The following KLHL1 variants were observed in gnomAD, a reference collection of about 807,000 sequenced individuals.
KLHL1 encodes the protein kelch-like protein 1.
Under a neutral mutation model 77.7 loss-of-function variants are expected in KLHL1, and 47 were observed. The ratio of observed to expected loss-of-function variants is 0.60; its 90% CI spans 0.48 to 0.77. The LOEUF (loss-of-function observed/expected upper bound fraction) is 0.77, where lower values mean the gene tolerates loss of function less well. KLHL1 is among the 30% of genes least tolerant of loss of function. The probability of loss-of-function intolerance (pLI) is 0.00; values close to 1 mark genes in which losing one functional copy is unlikely to be tolerated. For synonymous variants in KLHL1, 360 were observed against 325.2 expected (o/e 1.11, Z -1.15); for missense variants, 925 against 910.8 (o/e 1.02, Z -0.20).
intron 2 of KLHL1, among the ~76,000 whole-genome samples, chr13:69,968,879 TA>T (rs951232458): frequency 6.6e-6 from 1 of 151,576 alleles, no homozygotes; most frequent in Non-Finnish European, 1.5e-5. Flanking sequence ...AGTATAATAA[TA>T]AAAAAAAGAA....
chr13:69,788,268 T>C (rs1876667639), intron 7 of KLHL1, among the ~76,000 whole-genome samples: 2 of 152,160 alleles, frequency 1.3e-5, no homozygotes, highest in African/African-American at 2.4e-5. Context: ...ACCCAAATGT[T>C]CATCAATGAT....
chr13:69,743,436 G>T (rs1874066920), intron 7 of KLHL1, among the ~76,000 whole-genome samples: 1 of 152,212 alleles, frequency 6.6e-6, no homozygotes, highest in South Asian at 2.1e-4. Context: ...CATATATTCT[G>T]GGAGTCTTGC....
intron 6 of KLHL1, among the ~76,000 whole-genome samples, chr13:69,825,709 C>T (rs1252978718): frequency 1.3e-5 from 2 of 151,936 alleles, no homozygotes; most frequent in Non-Finnish European, 2.9e-5. Flanking sequence ...ATGTTTTATC[C>T]CAGGACTACA....
intron 5 of KLHL1, among the ~76,000 whole-genome samples, chr13:69,859,600 G>T (rs1251429726): frequency 1.3e-5 from 2 of 151,992 alleles, no homozygotes; most frequent in Admixed American, 1.3e-4. Context: ...ACATCAGGTT[G>T]CAATGTGAAT....
rs1302284831 is a variant in KLHL1, at chr13:70,107,857, AGGCGAAGGCTGGAGCGCAGAC to A, written c.-179_-159del. The A allele has an allele frequency of 4.0e-5, 24 of 597,410 alleles. 1 individual carries two copies. The East Asian group carries it at 6.0e-4, about 15-fold the overall frequency. 37.0% of individuals were successfully genotyped at this position (597,410 alleles called of 1,614,324 possible). A position where few individuals can be genotyped will look rare whatever the true frequency, so the allele number is the denominator to read the frequency against. The stretch of plus-strand genomic sequence containing the variant: ...CGCTAGGTGGGCTGCGCGCTCTGCC[AGGCGAAGGCTGGAGCGCAGAC>A]GGCAAAGCCGCGCGTTTCAGCCGTG... On this transcript the variant is annotated 5_prime_UTR_variant, in exon 1 of 11. Transcript: ENST00000377844.
chr13:69,775,784 G>T (rs781736906), intron 7 of KLHL1, among the ~76,000 whole-genome samples: 7 of 151,172 alleles, frequency 4.6e-5, no homozygotes, highest in Non-Finnish European at 8.8e-5. Context: ...TCTGCCTCCC[G>T]GGTTCAAGCA....
intron 8 of KLHL1, among the ~76,000 whole-genome samples, chr13:69,736,676 TGA>T (rs531342499): frequency 2.3e-5 from 3 of 131,304 alleles, no homozygotes; most frequent in African/African-American, 8.4e-5. Flanking sequence ...AAAGAGATTG[TGA>T]GATATATATA....
intron 1 of KLHL1, among the ~76,000 whole-genome samples, chr13:70,086,105 T>G (rs1164251412): frequency 6.6e-6 from 1 of 152,086 alleles, no homozygotes; most frequent in Non-Finnish European, 1.5e-5. Context: ...GTACCTACAG[T>G]GGAATCTCCA....
intron 1 of KLHL1, among the ~76,000 whole-genome samples, chr13:70,099,703 TAAC>T (rs907191947): frequency 2.6e-5 from 4 of 152,054 alleles, no homozygotes; most frequent in African/African-American, 7.2e-5. Context: ...TGTCCCATAA[TAAC>T]ATTTTTTCAT....
chr13:69,777,976 A>C (rs1280803375), intron 7 of KLHL1, among the ~76,000 whole-genome samples: 2 of 152,008 alleles, frequency 1.3e-5, no homozygotes, highest in Non-Finnish European at 2.9e-5. Flanking sequence ...GACTACTTCT[A>C]CTAGCCTAAA....
chr13:69,918,336 T>C (rs1465631105), intron 4 of KLHL1, among the ~76,000 whole-genome samples: 2 of 151,966 alleles, frequency 1.3e-5, no homozygotes, highest in African/African-American at 4.8e-5. Flanking sequence ...AAATGATTTG[T>C]AAAACATTAC....
chr13:69,916,215 T>C (rs1417493633), intron 4 of KLHL1, among the ~76,000 whole-genome samples: 4 of 152,128 alleles, frequency 2.6e-5, no homozygotes, highest in South Asian at 2.1e-4. Flanking sequence ...AGAAATACCA[T>C]TTGACCCAGC....
At position 69,939,340 on chromosome 13, in the gene KLHL1, CATATATATATATATATATATATATATAT is replaced by C. The variant is rs34074889; in HGVS notation, c.1014+672_1014+699del. ...ACACTCATATATATACATATACATACATATATATATATATATATATATATATATATATATATATACACACACACACGCA... is the reference window on the plus strand; with the variant it reads ...ACACTCATATATATACATATACATACATATATATATACACACACACACGCA... On this transcript the variant is annotated intron_variant, in intron 4 of 10. Coordinates refer to ENST00000377844, the MANE Select transcript of KLHL1 (RefSeq NM_020866.3). 6.6e-5 allele frequency among the ~76,000 whole-genome samples: 4 copies of C among 60,846 alleles called. No individual in the cohort carries two copies. The East Asian group carries it at 1.5e-3, about 23-fold the overall frequency. 39.9% of individuals were successfully genotyped at this position (60,846 alleles called of 152,430 possible).
At chr13:69,718,608 T>C (rs897565211) in intron 9 of KLHL1, among the ~76,000 whole-genome samples, 12 of 152,152 alleles carry the variant, frequency 7.9e-5, no homozygotes, top group Admixed American at 7.9e-4. Flanking sequence ...ATGTATCCTA[T>C]GTAATAGGAA....
At chr13:69,859,632 A>G (rs1376007475) in intron 5 of KLHL1, among the ~76,000 whole-genome samples, 1 of 152,144 alleles carries the variant, frequency 6.6e-6, no homozygotes, top group East Asian at 1.9e-4. Flanking sequence ...TAAAAGGGAT[A>G]TGCTCAGTAA....
chr13:69,816,496 T>C (rs1878129336), intron 6 of KLHL1, among the ~76,000 whole-genome samples: 1 of 151,916 alleles, frequency 6.6e-6, no homozygotes, highest in Non-Finnish European at 1.5e-5. Context: ...ACTCCTGCCC[T>C]GAAAATGATC....
At chr13:69,948,720 T>A (rs1028435042) in intron 3 of KLHL1, among the ~76,000 whole-genome samples, 1 of 152,014 alleles carries the variant, frequency 6.6e-6, no homozygotes, top group African/African-American at 2.4e-5. Flanking sequence ...TATGTATCAA[T>A]GTGGTTCTAT....
chr13:70,086,616 AAGAAAGAAAGAAAG>A (rs1887549268), intron 1 of KLHL1, among the ~76,000 whole-genome samples: 1 of 121,990 alleles, frequency 8.2e-6, no homozygotes, highest in African/African-American at 2.9e-5. Context: ...GAAAGAAAGA[AAGAAAGAAAGAAAG>A]AAAAAAGAAA....
At chr13:69,999,397 G>A (rs560205905) in intron 1 of KLHL1, among the ~76,000 whole-genome samples, 8 of 152,088 alleles carry the variant, frequency 5.3e-5, no homozygotes, top group African/African-American at 1.9e-4. Context: ...TTATGCATGG[G>A]CCTGGCATCA....
Sources: allele counts gnomAD v4.1 joint callset (sites outside exome capture counted in the v4.1 genomes callset), GRCh38; gene constraint gnomAD v4.1.1; transcripts MANE v1.5; gene names NCBI Gene and HGNC (gene_info 2026-07-23, HGNC 2026-07-21).